Variants in IDE observed in about 807,000 individuals in gnomAD.
The protein encoded by IDE is insulin degrading enzyme.
A neutral mutation model predicts 133.2 loss-of-function variants in IDE; 58 were observed. The observed-to-expected ratio is 0.44, with a 90% CI of 0.35 to 0.54. The LOEUF (loss-of-function observed/expected upper bound fraction) is 0.54, where lower values mean the gene tolerates loss of function less well. IDE is among the 20% of genes least tolerant of loss of function. IDE has a pLI of 0.00. For missense variants in IDE, 981 were observed against 1,234.0 expected, an observed-to-expected ratio of 0.79 and a Z score of 3.07; for synonymous variants, 396 against 421.3, an observed-to-expected ratio of 0.94 and a Z score of 0.73.
chr10:92,474,372 G>T (rs1846138755), intron 17 of IDE: 1 of 152,458 alleles, frequency 6.6e-6, no homozygotes, highest in South Asian at 2.1e-4. Flanking sequence ...CCCTTCTGCA[G>T]AAATCTAAAA....
intron 1 of IDE, among the ~76,000 whole-genome samples, chr10:92,561,122 G>T (rs373969179): frequency 1.3e-5 from 2 of 151,880 alleles, no homozygotes; most frequent in Non-Finnish European, 2.9e-5. Context: ...CGGGCACGGT[G>T]GTGGGCGCCT....
chr10:92,538,900 C>A (rs1301554022), intron 1 of IDE, among the ~76,000 whole-genome samples: 1 of 152,122 alleles, frequency 6.6e-6, no homozygotes, highest in Non-Finnish European at 1.5e-5. Flanking sequence ...ATGAGCACAT[C>A]TGCTTCTTAC....
chr10:92,470,143 C>T (rs1845888310), intron 18 of IDE, 111 bp downstream of exon 18: 1 of 664,432 alleles, frequency 1.5e-6, no homozygotes, highest in Non-Finnish European at 2.5e-6. Flanking sequence ...GTTGAGTAAA[C>T]TCTAATGTGT....
At chr10:92,567,247 C>G (rs1031667180) in intron 1 of IDE, among the ~76,000 whole-genome samples, 3 of 152,160 alleles carry the variant, frequency 2.0e-5, no homozygotes, top group Admixed American at 6.6e-5. Flanking sequence ...AAACATCTCA[C>G]CTAGCTGAAC....
At chr10:92,524,499 T>A in intron 4 of IDE, among the ~76,000 whole-genome samples, 1 of 87,244 alleles carries the variant, frequency 1.1e-5, no homozygotes, top group East Asian at 2.6e-4. Flanking sequence ...TTATAATATA[T>A]TTTATATAAT....
chr10:92,537,352 A>C lies in IDE; in HGVS notation c.283+14T>G, dbSNP rs200032563. ...GAAACAAAACAAAGCTTAATTCACA[A>C]TTTTCAATTGTACCTATGTGCACAT... On this transcript the variant is annotated intron_variant, in intron 2 of 24. Coordinates refer to ENST00000265986, the MANE Select transcript of IDE (RefSeq NM_004969.4). 22 of 1,576,904 alleles carry C rather than the reference A, an allele frequency of 1.4e-5. No homozygotes were observed. The African/African-American group carries it at 2.3e-4, about 17-fold the overall frequency.
rs1040519388 is a variant in IDE at position 92,479,510 on chromosome 10, C to T, written c.1740-89G>A. On this transcript the variant is annotated intron_variant, in intron 14 of 24. Coordinates refer to ENST00000265986, the MANE Select transcript of IDE (RefSeq NM_004969.4). ...TGAGATGGATCAAGATATTGAACAC[C>T]GGTTAATATGATTTCCTGAGGATAT... 25 of 926,596 alleles carry T rather than the reference C, an allele frequency of 2.7e-5. No individual in the cohort carries two copies. The Middle Eastern group carries it at 8.2e-4, about 31-fold the overall frequency. The allele number at this position is 926,596 out of a possible 1,614,324, so 57.4% of individuals were successfully genotyped here.
intron 7 of IDE, among the ~76,000 whole-genome samples, chr10:92,508,477 G>A (rs1326049958): frequency 1.3e-5 from 2 of 150,648 alleles, no homozygotes; most frequent in East Asian, 3.9e-4. Flanking sequence ...ACTTTAGGAG[G>A]CCAAGATGGG....
intron 1 of IDE, among the ~76,000 whole-genome samples, chr10:92,549,276 G>A (rs1258586547): frequency 1.3e-5 from 2 of 151,912 alleles, no homozygotes; most frequent in Non-Finnish European, 2.9e-5. Flanking sequence ...AAAGATTTTG[G>A]CACAAAATAT....
Position 92,545,935 on chromosome 10 carries a change from A to G in IDE, c.99-8385T>C, listed in dbSNP as rs191661355. Among the ~76,000 whole-genome samples, 55 of 152,316 alleles carry G rather than the reference A, an allele frequency of 3.6e-4. No individual in the cohort carries two copies. In the East Asian group the frequency reaches 7.1e-3, roughly 20 times the overall value. ...GACCTAACAATGCTAGTAACAGATA[A>G]ATAACCCAAATAAATGCATTTATAT... On this transcript the variant is annotated intron_variant, in intron 1 of 24. Transcript: ENST00000265986.
intron 22 of IDE, among the ~76,000 whole-genome samples, chr10:92,457,065 C>A (rs913371435): frequency 6.6e-6 from 1 of 151,678 alleles, no homozygotes; most frequent in South Asian, 2.1e-4. Flanking sequence ...GATTAAAAAA[C>A]TGCTCAAACT....
chr10:92,524,424 T>A (rs1231326310), intron 4 of IDE, among the ~76,000 whole-genome samples: 4 of 91,252 alleles, frequency 4.4e-5, no homozygotes, highest in East Asian at 2.6e-4. Flanking sequence ...ATATTATATA[T>A]AATATATTTT....
chr10:92,561,859 C>T (rs944477528), intron 1 of IDE, among the ~76,000 whole-genome samples: 3 of 151,166 alleles, frequency 2.0e-5, no homozygotes, highest in Non-Finnish European at 2.9e-5. Flanking sequence ...TCTGTACTTT[C>T]GGAGCAATTT....
intron 23 of IDE, among the ~76,000 whole-genome samples, 181 bp downstream of exon 23, chr10:92,456,178 G>T (rs1844996902): frequency 6.6e-6 from 1 of 152,076 alleles, no homozygotes; most frequent in Non-Finnish European, 1.5e-5. Context: ...TCTATCACCT[G>T]GTATTGCCTC....
intron 22 of IDE, among the ~76,000 whole-genome samples, chr10:92,460,828 T>A (rs571366554): frequency 6.6e-6 from 1 of 152,310 alleles, no homozygotes; most frequent in East Asian, 1.9e-4. Flanking sequence ...ACACACAATA[T>A]AGCACATACA....
chr10:92,573,679 G>C (rs1258319768), intron 1 of IDE, among the ~76,000 whole-genome samples: 1 of 152,212 alleles, frequency 6.6e-6, no homozygotes, highest in South Asian at 2.1e-4. Context: ...TAGCGGCCCC[G>C]GCCCCTCACC....
intron 2 of IDE, among the ~76,000 whole-genome samples, chr10:92,535,550 C>T (rs1276537459): frequency 6.6e-6 from 1 of 152,158 alleles, no homozygotes; most frequent in Non-Finnish European, 1.5e-5. Flanking sequence ...TCAATATATA[C>T]CCATCTTACA....
chr10:92,546,228 T>A (rs974980179), intron 1 of IDE, among the ~76,000 whole-genome samples: 3 of 152,156 alleles, frequency 2.0e-5, no homozygotes, highest in Non-Finnish European at 2.9e-5. Context: ...AGGATAGTCA[T>A]TACCCTTGGG....
intron 11 of IDE, among the ~76,000 whole-genome samples, chr10:92,499,780 C>A (rs190907915): frequency 6.6e-6 from 1 of 152,238 alleles, no homozygotes; most frequent in Non-Finnish European, 1.5e-5. Flanking sequence ...TCTGAGAAAT[C>A]TTTGCCTATC....
Sources: allele counts gnomAD v4.1 joint callset (sites outside exome capture counted in the v4.1 genomes callset), GRCh38; gene constraint gnomAD v4.1.1; transcripts MANE v1.5; gene names NCBI Gene and HGNC (gene_info 2026-07-23, HGNC 2026-07-21).